Variants in COL18A1 observed in about 807,000 individuals in gnomAD.
COL18A1 encodes the protein collagen type XVIII alpha 1 chain.
Under a neutral mutation model 168.0 loss-of-function variants are expected in COL18A1, and 133 were observed. The ratio of observed to expected loss-of-function variants is 0.79; its 90% CI spans 0.69 to 0.91. The LOEUF is 0.91. Among genes scored for constraint, COL18A1 ranks in the 40% least tolerant of loss-of-function variants. The pLI is 0.00. For synonymous variants in COL18A1, 949 were observed against 809.0 expected (o/e 1.17, Z -2.94); for missense variants, 2,126 against 1,925.4 (o/e 1.10, Z -1.95).
At position 45,486,789 on chromosome 21, in the gene COL18A1, G is replaced by A. The variant is rs986628515; in HGVS notation, c.1702-72G>A. The A allele has an allele frequency of 6.1e-4, 915 of 1,491,466 alleles. 1 individual carries two copies. The highest frequency in any genetic ancestry group is 7.4e-4 in the Non-Finnish European group (826 of 1,112,134). The allele number at this position is 1,491,466 out of a possible 1,614,324, so 92.4% of individuals were successfully genotyped here. ...GGTTTAGAAAGCATCATAAGAAAAC[G>A]TGTCTACGCTGGGGTTGCAGGGCCA... is the stretch of plus-strand genomic sequence containing the variant. On this transcript the variant is annotated intron_variant, in intron 15 of 41. Transcript: ENST00000651438.
chr21:45,437,356 GCGCACA>G (rs1322301231), intron 2 of COL18A1, among the ~76,000 whole-genome samples: 1 of 12,824 alleles, frequency 7.8e-5, no homozygotes, highest in Non-Finnish European at 1.4e-4. Context: ...GCACTCTCCT[GCGCACA>G]CACACACACT....
rs1318684748 is a variant in COL18A1 at position 45,482,838 on chromosome 21, T to A, written c.1701+17T>A. 6 of 1,614,138 alleles carry A rather than the reference T, an allele frequency of 3.7e-6. No homozygotes were observed. Among genetic ancestry groups the A allele is most frequent in the Middle Eastern group, 1.7e-4 (1 of 6,056 alleles). ...GGACATAAGGTACAAGCAGAATCCC[T>A]GGCACATCAGTCCCCTGCCCCTGGT... On this transcript the variant is annotated intron_variant, in intron 15 of 41. Coordinates refer to ENST00000651438, the MANE Select transcript of COL18A1 (RefSeq NM_001379500.1).
chr21:45,417,361 T>C (rs11910788), intron 2 of COL18A1, among the ~76,000 whole-genome samples: 3 of 152,226 alleles, frequency 2.0e-5, no homozygotes, highest in African/African-American at 4.8e-5. Flanking sequence ...GCTGTTCCAC[T>C]GTAGTCTCTG....
chr21:45,438,384 TCACA>T (rs1319835514), intron 2 of COL18A1, among the ~76,000 whole-genome samples: 1 of 103,518 alleles, frequency 9.7e-6, no homozygotes, highest in East Asian at 3.2e-4. Flanking sequence ...ACACACACAC[TCACA>T]CACTCAGACC....
chr21:45,487,132 A>C, intron 16 of COL18A1, 140 bp downstream of exon 16: 1 of 897,996 alleles, frequency 1.1e-6, no homozygotes, highest in Non-Finnish European at 1.6e-6. Flanking sequence ...GGGATTCCAT[A>C]TTCCGCATGG....
chr21:45,480,376 C>T, intron 11 of COL18A1, 91 bp from the exon 12 acceptor site: 1 of 1,609,662 alleles, frequency 6.2e-7, no homozygotes, highest in Non-Finnish European at 8.5e-7. Context: ...GTAGAAACAG[C>T]TCGATATGCA....
chr21:45,490,702 G>T, intron 20 of COL18A1, 134 bp from the exon 21 acceptor site: 1 of 927,578 alleles, frequency 1.1e-6, no homozygotes, highest in Non-Finnish European at 1.7e-6. Flanking sequence ...AGGGCTCTTG[G>T]TGGCTGCCTC....
chr21:45,466,548 C>T (rs2035221424), intron 2 of COL18A1, among the ~76,000 whole-genome samples: 1 of 152,206 alleles, frequency 6.6e-6, no homozygotes, highest in Non-Finnish European at 1.5e-5. Flanking sequence ...GATTCCAGGA[C>T]ATCTGAGACA....
At chr21:45,496,688 C>T (rs1410336932) in intron 30 of COL18A1, 120 bp downstream of exon 30, 2 of 742,478 alleles carry the variant, frequency 2.7e-6, no homozygotes, top group African/African-American at 1.7e-5. Context: ...CTAGGATGTG[C>T]CAGTCTGGTG....
chr21:45,504,139 G>T, intron 33 of COL18A1, 85 bp downstream of exon 33: 2 of 1,478,008 alleles, frequency 1.4e-6, no homozygotes, highest in African/African-American at 1.4e-5. Context: ...CGCCCCATCC[G>T]GCCCAAGCCC....
At chr21:45,410,869 C>T (rs1181209126) in intron 2 of COL18A1, among the ~76,000 whole-genome samples, 4 of 152,206 alleles carry the variant, frequency 2.6e-5, no homozygotes, top group Admixed American at 6.5e-5. Context: ...CTGGCATCTC[C>T]GGTCCTGGAG....
At chr21:45,474,015 C>G (rs2035541992) in intron 4 of COL18A1, 34 bp downstream of exon 4, 4 of 1,523,798 alleles carry the variant, frequency 2.6e-6, no homozygotes, top group Non-Finnish European at 3.6e-6. Context: ...TGGGGTCTCC[C>G]CTCAATCCCT....
chr21:45,407,194 G>C (rs1284360038), intron 2 of COL18A1, among the ~76,000 whole-genome samples: 1 of 152,260 alleles, frequency 6.6e-6, no homozygotes, highest in Non-Finnish European at 1.5e-5. Flanking sequence ...CCCCTTTAGG[G>C]GTTATTGGAG....
At chr21:45,454,736 C>T (rs1338098663) in intron 2 of COL18A1, among the ~76,000 whole-genome samples, 1 of 152,262 alleles carries the variant, frequency 6.6e-6, no homozygotes, top group East Asian at 1.9e-4. Context: ...CAGCCACTCA[C>T]ATGCCACTCA....
chr21:45,490,213 G>A (rs1045676148), intron 19 of COL18A1, 62 bp from the exon 20 acceptor site: 2 of 1,411,682 alleles, frequency 1.4e-6, no homozygotes, highest in Non-Finnish European at 2.0e-6. Flanking sequence ...GACTCCTCGT[G>A]GGGGTCCCTG....
chr21:45,466,635 G>A (rs1252742957), intron 2 of COL18A1, among the ~76,000 whole-genome samples: 1 of 152,228 alleles, frequency 6.6e-6, no homozygotes, highest in Admixed American at 6.5e-5. Flanking sequence ...GCATTTGGAA[G>A]CTGGCTTCTG....
chr21:45,460,504 G>A (rs991638153), intron 2 of COL18A1, among the ~76,000 whole-genome samples: 2 of 152,240 alleles, frequency 1.3e-5, no homozygotes, highest in African/African-American at 4.8e-5. Flanking sequence ...GAGTGCACGT[G>A]AAGGTCATGT....
At chr21:45,477,525 C>A in intron 7 of COL18A1, 38 bp downstream of exon 7, 1 of 1,564,140 alleles carries the variant, frequency 6.4e-7, no homozygotes, top group Non-Finnish European at 8.7e-7. Context: ...CCATTCTGAA[C>A]CAGAGCACCT....
chr21:45,405,378 G>C lies in COL18A1; in HGVS notation c.12-1G>C. 1 of 1,285,692 alleles carries C rather than the reference G, an allele frequency of 7.8e-7. No homozygotes were observed. Among genetic ancestry groups the C allele is most frequent in the Non-Finnish European group, 9.9e-7 (1 of 1,015,070 alleles). The allele number at this position is 1,285,692 out of a possible 1,614,324, so 79.6% of individuals were successfully genotyped here. A position where few individuals can be genotyped will look rare whatever the true frequency, so the allele number is the denominator to read the frequency against. On this transcript the variant is annotated splice_acceptor_variant, in intron 1 of 41. Coordinates refer to ENST00000651438, the MANE Select transcript of COL18A1 (RefSeq NM_001379500.1). LOFTEE classifies it high-confidence loss of function. The stretch of plus-strand genomic sequence containing the variant: ...GTCTGACCCGTGCCTGTCCCGCGCA[G>C]GTGCCCCTGGCCATGGCCGCGGCGG...
Sources: allele counts gnomAD v4.1 joint callset (sites outside exome capture counted in the v4.1 genomes callset), GRCh38; gene constraint gnomAD v4.1.1; transcripts MANE v1.5; gene names NCBI Gene and HGNC (gene_info 2026-07-23, HGNC 2026-07-21).